Variants in WDFY2 observed in about 807,000 individuals in gnomAD.
WDFY2 encodes WD repeat and FYVE domain-containing protein 2.
Under a neutral mutation model 56.4 loss-of-function variants are expected in WDFY2, and 36 were observed. The ratio of observed to expected loss-of-function variants is 0.64; its 90% CI spans 0.49 to 0.84. The LOEUF is 0.84. WDFY2 is among the 40% of genes least tolerant of loss of function. The pLI, the probability that WDFY2 is intolerant of heterozygous loss-of-function variation, is 0.00. For synonymous variants in WDFY2, 176 were observed against 183.7 expected (o/e 0.96, Z 0.34); for missense variants, 444 against 512.2 (o/e 0.87, Z 1.29).
chr13:51,612,860 ATTTC>A (rs1954530392), intron 1 of WDFY2, among the ~76,000 whole-genome samples: 1 of 152,188 alleles, frequency 6.6e-6, no homozygotes, highest in African/African-American at 2.4e-5. Context: ...CATGTGGTAT[ATTTC>A]TTCTTATTAC....
intron 9 of WDFY2, 59 bp from the exon 10 acceptor site, chr13:51,756,273 C>T (rs762601198): frequency 1.1e-5 from 17 of 1,560,394 alleles, no homozygotes; most frequent in African/African-American, 1.4e-5. Flanking sequence ...GGGTGAGATG[C>T]GGGGGCCTCA....
intron 7 of WDFY2, among the ~76,000 whole-genome samples, chr13:51,742,343 A>G (rs1320228130): frequency 1.3e-5 from 2 of 152,212 alleles, no homozygotes; most frequent in Non-Finnish European, 2.9e-5. Context: ...ATTCTTTTAT[A>G]CAATATTATC....
chr13:51,599,550 G>C (rs4075628), intron 1 of WDFY2: 12,624 of 152,474 alleles, frequency 0.083, 824 homozygotes, highest in East Asian at 0.29. Context: ...TTGTATTGCT[G>C]TCTGCTGAAG....
At chr13:51,616,069 C>G (rs1368129165) in intron 1 of WDFY2, among the ~76,000 whole-genome samples, 2 of 152,272 alleles carry the variant, frequency 1.3e-5, no homozygotes, top group Admixed American at 6.5e-5. Flanking sequence ...CATAGTGAGA[C>G]CTCATCTTTA....
intron 1 of WDFY2, among the ~76,000 whole-genome samples, chr13:51,624,192 C>G (rs1356336100): frequency 1.3e-5 from 2 of 152,228 alleles, no homozygotes; most frequent in African/African-American, 4.8e-5. Context: ...AGAGTCTGAA[C>G]TTGCTGAAAG....
intron 3 of WDFY2, among the ~76,000 whole-genome samples, chr13:51,694,930 T>G (rs1951830968): frequency 6.6e-6 from 1 of 152,212 alleles, no homozygotes; most frequent in African/African-American, 2.4e-5. Flanking sequence ...ATTTCATTCA[T>G]TTGATCTTCC....
intron 1 of WDFY2, among the ~76,000 whole-genome samples, chr13:51,611,124 T>C (rs182868277): frequency 6.6e-6 from 1 of 152,356 alleles, no homozygotes; most frequent in East Asian, 1.9e-4. Flanking sequence ...AAGTGTACAG[T>C]GTAAGCACCA....
intron 1 of WDFY2, among the ~76,000 whole-genome samples, chr13:51,642,061 CT>C (rs763355081): frequency 6.6e-6 from 1 of 151,884 alleles, no homozygotes; most frequent in African/African-American, 2.4e-5. Flanking sequence ...ATTATTGACC[CT>C]TTCCCCCATT....
intron 1 of WDFY2, among the ~76,000 whole-genome samples, chr13:51,637,099 G>C (rs1368722730): frequency 6.6e-6 from 1 of 152,186 alleles, no homozygotes; most frequent in Admixed American, 6.5e-5. Context: ...GGCACTATAA[G>C]GTGTGTTAGT....
chr13:51,745,386 A>G (rs1953070912), intron 7 of WDFY2, among the ~76,000 whole-genome samples: 1 of 152,240 alleles, frequency 6.6e-6, no homozygotes, highest in African/African-American at 2.4e-5. Flanking sequence ...AAGAGTAGAC[A>G]CATACATAGG....
chr13:51,750,309 C>A (rs754958171), intron 7 of WDFY2, among the ~76,000 whole-genome samples: 7 of 152,118 alleles, frequency 4.6e-5, no homozygotes, highest in Non-Finnish European at 1.0e-4. Context: ...TTTATTGACA[C>A]CCTCTGGAAA....
intron 3 of WDFY2, among the ~76,000 whole-genome samples, chr13:51,679,006 C>G (rs891717155): frequency 6.6e-6 from 1 of 152,056 alleles, no homozygotes; most frequent in Non-Finnish European, 1.5e-5. Flanking sequence ...AAAAAAACCA[C>G]CCAAACCATG....
chr13:51,623,135 G>C (rs1194729556), intron 1 of WDFY2, among the ~76,000 whole-genome samples: 2 of 151,970 alleles, frequency 1.3e-5, no homozygotes, highest in African/African-American at 4.8e-5. Context: ...TGGGATTACA[G>C]GCAAGAGCCA....
intron 6 of WDFY2, among the ~76,000 whole-genome samples, chr13:51,736,174 T>C (rs560565194): frequency 6.6e-6 from 1 of 152,310 alleles, no homozygotes; most frequent in South Asian, 2.1e-4. Flanking sequence ...ATTTGTTGAG[T>C]GGTGCTTCCC....
chr13:51,589,855 A>G (rs1288950940), intron 1 of WDFY2: 1 of 152,188 alleles, frequency 6.6e-6, no homozygotes, highest in Non-Finnish European at 1.5e-5. Flanking sequence ...AAGGTCCCAA[A>G]GAGGGAACTT....
chr13:51,590,858 T>C (rs1954030735), intron 1 of WDFY2: 1 of 152,180 alleles, frequency 6.6e-6, no homozygotes, highest in African/African-American at 2.4e-5. Flanking sequence ...AGCCTCTTCA[T>C]CCAAATATTT....
intron 1 of WDFY2, among the ~76,000 whole-genome samples, chr13:51,617,573 C>T (rs1338431920): frequency 6.6e-6 from 1 of 152,162 alleles, no homozygotes; most frequent in Admixed American, 6.6e-5. Flanking sequence ...CCTTAACTGT[C>T]CTCAAGGACT....
At chr13:51,627,396 C>G (rs1252667207) in intron 1 of WDFY2, among the ~76,000 whole-genome samples, 1 of 151,988 alleles carries the variant, frequency 6.6e-6, no homozygotes, top group Non-Finnish European at 1.5e-5. Flanking sequence ...TTAATGGAGT[C>G]TTGCTCTTGT....
In WDFY2 at chr13:51,651,211, T is replaced by C. The variant is rs1161120966; in HGVS notation, c.138-9385T>C. ...TCTAGTATATTTGCATAGAGGTGTT[T>C]ATAGTATTCTCTGATAGTAGTTTGT... On this transcript the variant is annotated intron_variant, in intron 1 of 11. Coordinates refer to ENST00000298125, the MANE Select transcript of WDFY2 (RefSeq NM_052950.4). 2.0e-5 allele frequency among the ~76,000 whole-genome samples: 3 copies of C among 152,232 alleles called. No individual in the cohort carries two copies. In the South Asian group the frequency reaches 6.2e-4, roughly 31 times the overall value.
Sources: allele counts gnomAD v4.1 joint callset (sites outside exome capture counted in the v4.1 genomes callset), GRCh38; gene constraint gnomAD v4.1.1; transcripts MANE v1.5; gene names NCBI Gene and HGNC (gene_info 2026-07-23, HGNC 2026-07-21).